EMSY: variants seen among roughly 807,000 people sequenced by gnomAD.
The protein encoded by EMSY is BRCA2-interacting transcriptional repressor EMSY.
In EMSY, 26 loss-of-function variants were observed where a neutral mutation model predicts 134.6. That is an observed-to-expected ratio of 0.19 (90% confidence interval 0.14 to 0.27). EMSY has a LOEUF of 0.27. Among genes scored for constraint, EMSY ranks in the 10% least tolerant of loss-of-function variants. The pLI is 1.00. For synonymous variants in EMSY, 579 were observed against 577.8 expected (o/e 1.00, Z -0.03); for missense variants, 1,305 against 1,611.4 (o/e 0.81, Z 3.26).
intron 8 of EMSY, among the ~76,000 whole-genome samples, chr11:76,476,672 AC>A (rs1948780711): frequency 6.6e-6 from 1 of 152,144 alleles, no homozygotes; most frequent in South Asian, 2.1e-4. Context: ...AATTCTTTTG[AC>A]ACAACTACAT....
exon 15 of EMSY, chr11:76,535,951 G>C (rs1951209341): frequency 6.2e-7 from 1 of 1,601,620 alleles, no homozygotes; most frequent in South Asian, 1.1e-5. Context: ...GTCAGAACAT[G>C]AGATTGCAAT....
rs773831835 is a variant in EMSY, at chr11:76,454,505, G to T, written c.245+1117G>T. On this transcript the variant is annotated intron_variant, in intron 4 of 20. Transcript: ENST00000334736. ...TAATTTGCTCTAAGCTTTTGAATTG[G>T]GGTGCTCTAGAAGTAATGGTAACTG... is the stretch of plus-strand genomic sequence containing the variant. 1.1e-4 allele frequency among the ~76,000 whole-genome samples: 16 copies of T among 152,122 alleles called. 1 individual carries two copies. The highest frequency in any genetic ancestry group is 6.8e-3 in the Middle Eastern group (2 of 292).
At chr11:76,495,257 A>G (rs1202721595) in intron 8 of EMSY, among the ~76,000 whole-genome samples, 1 of 152,214 alleles carries the variant, frequency 6.6e-6, no homozygotes, top group Non-Finnish European at 1.5e-5. Flanking sequence ...TGTATTTGTC[A>G]TGGTGAGGAT....
At chr11:76,494,671 C>A (rs1232257341) in intron 8 of EMSY, among the ~76,000 whole-genome samples, 1 of 26,314 alleles carries the variant, frequency 3.8e-5, no homozygotes, top group South Asian at 1.7e-3. Context: ...TCCTTCCTTC[C>A]TTCCTTCCTT....
exon 13 of EMSY, chr11:76,526,505 C>G (rs1475181915): frequency 2.4e-5 from 38 of 1,613,524 alleles, no homozygotes; most frequent in Non-Finnish European, 2.8e-5. Flanking sequence ...GCAAAGCCAG[C>G]TATCCTTACT....
At chr11:76,526,438 A>T in intron 12 of EMSY, 24 bp from the exon 14 acceptor site, 5 of 1,573,822 alleles carry the variant, frequency 3.2e-6, no homozygotes, top group Non-Finnish European at 4.3e-6. Context: ...TAAATCTCTT[A>T]TATAATCATT....
At chr11:76,523,008 C>A in intron 11 of EMSY, 147 bp from the exon 13 acceptor site, 1 of 727,732 alleles carries the variant, frequency 1.4e-6, no homozygotes, top group Non-Finnish European at 2.1e-6. Flanking sequence ...CTTACTATTC[C>A]AAGCCTTCAT....
At chr11:76,542,397 C>G in intron 18 of EMSY, 30 bp downstream of exon 19, 4 of 1,600,284 alleles carry the variant, frequency 2.5e-6, no homozygotes, top group Non-Finnish European at 3.4e-6. Context: ...TTCCTATCTT[C>G]TGCAACTGCC....
intron 20 of EMSY, 98 bp from the exon 22 acceptor site, chr11:76,549,854 A>C: frequency 8.6e-7 from 1 of 1,156,504 alleles, no homozygotes. Flanking sequence ...TGTCCAAAAA[A>C]TGTCAGTTTT....
intron 17 of EMSY, 61 bp downstream of exon 18, chr11:76,539,701 A>T: frequency 6.6e-7 from 1 of 1,516,930 alleles, no homozygotes; most frequent in East Asian, 2.3e-5. Flanking sequence ...TTTTGGGGGG[A>T]ACCGCTTAAA....
In EMSY at chr11:76,525,704, T is replaced by C. The variant is rs537048536; in HGVS notation, c.1822-758T>C. Among the ~76,000 whole-genome samples the C allele has an allele frequency of 2.0e-4, 31 of 152,278 alleles. No homozygotes were observed. The South Asian group carries it at 6.2e-3, about 31-fold the overall frequency. On this transcript the variant is annotated intron_variant, in intron 12 of 20. Coordinates refer to ENST00000334736, the Ensembl canonical transcript of EMSY. ...TGATGAAAAGTTAATGGATATAAGC[T>C]ATCTAGTTAATAGACTAAAAGGATA...
intron 6 of EMSY, among the ~76,000 whole-genome samples, chr11:76,462,606 T>C (rs78252189): frequency 2.6e-3 from 399 of 152,290 alleles, no homozygotes; most frequent in African/African-American, 9.1e-3. Flanking sequence ...AGGATGATGA[T>C]TGCAGAATGA....
chr11:76,458,795 G>A (rs1404877011), intron 5 of EMSY: 1 of 152,734 alleles, frequency 6.5e-6, no homozygotes, highest in Non-Finnish European at 1.5e-5. Context: ...TAATGAATGT[G>A]CTGAATCCAT....
chr11:76,480,613 G>T (rs1388076858), intron 8 of EMSY, among the ~76,000 whole-genome samples: 1 of 152,158 alleles, frequency 6.6e-6, no homozygotes, highest in Non-Finnish European at 1.5e-5. Flanking sequence ...GCTTTCTTGG[G>T]GGAGTTGCTG....
exon 9 of EMSY, chr11:76,496,445 A>C (rs1216376262): frequency 6.2e-7 from 1 of 1,614,112 alleles, no homozygotes; most frequent in Admixed American, 1.7e-5. Context: ...TATTAAACCT[A>C]CCATCCAAAT....
Position 76,543,548 on chromosome 11 carries a change from C to T in EMSY, c.2710-711C>T, listed in dbSNP as rs530524556. On this transcript the variant is annotated intron_variant, in intron 18 of 20. Coordinates refer to ENST00000334736, the Ensembl canonical transcript of EMSY. ...GAAAGGTCTGACAGGCTGGCCCTAACCGTGTCACTCAAGATGATGCCTCCT... is the reference window on the plus strand; with the variant it reads ...GAAAGGTCTGACAGGCTGGCCCTAATCGTGTCACTCAAGATGATGCCTCCT... Among the ~76,000 whole-genome samples the T allele has an allele frequency of 1.8e-4, 27 of 152,270 alleles. No homozygotes were observed. In the South Asian group the frequency reaches 4.8e-3, roughly 27 times the overall value.
intron 8 of EMSY, among the ~76,000 whole-genome samples, chr11:76,488,719 A>T (rs1590872758): frequency 6.6e-6 from 1 of 152,198 alleles, no homozygotes. Context: ...AGGGAGGCTC[A>T]AGTTAGGCAT....
rs564052968 is a variant in EMSY at position 76,470,552 on chromosome 11, T to C, written c.832-2012T>C. The stretch of plus-strand genomic sequence containing the variant: ...TCTACTTTTCAAAATAATCTGACTT[T>C]GATCACTTTTCTTTATTTCTACTAC... On this transcript the variant is annotated intron_variant, in intron 7 of 20. Transcript: ENST00000334736. Among the ~76,000 whole-genome samples the C allele has an allele frequency of 3.9e-5, 6 of 152,296 alleles. No homozygotes were observed. In the East Asian group the frequency reaches 1.2e-3, roughly 29 times the overall value.
At chr11:76,514,638 C>A (rs991426414) in intron 10 of EMSY, among the ~76,000 whole-genome samples, 11 of 152,030 alleles carry the variant, frequency 7.2e-5, no homozygotes, top group African/African-American at 2.7e-4. Context: ...ATATATAGTT[C>A]ATTGGCCTTA....
Sources: gnomAD v4.1 joint callset for allele counts (sites outside exome capture counted in the v4.1 genomes callset) on GRCh38, gnomAD v4.1.1 for gene constraint, MANE v1.5 for transcripts, NCBI Gene and HGNC (gene_info 2026-07-23, HGNC 2026-07-21) for gene names.